CDH13: variants seen among roughly 807,000 people sequenced by gnomAD.
CDH13 encodes cadherin-13.
CDH13 carries 24 observed loss-of-function variants against 63.8 expected under a neutral mutation model. The observed-to-expected ratio is 0.38, with a 90% CI of 0.27 to 0.53. The LOEUF (loss-of-function observed/expected upper bound fraction) is 0.53. CDH13 is among the 20% of genes least tolerant of loss of function. The probability of loss-of-function intolerance (pLI) is 0.85; values close to 1 mark genes in which losing one functional copy is unlikely to be tolerated. For missense variants in CDH13, 1,049 were observed against 903.1 expected (o/e 1.16, Z -2.07); for synonymous variants, 503 against 355.3 (o/e 1.42, Z -4.67).
chr16:82,759,823 C>G (rs999316725), intron 1 of CDH13, among the ~76,000 whole-genome samples: 9 of 151,964 alleles, frequency 5.9e-5, no homozygotes, highest in Admixed American at 3.9e-4. Flanking sequence ...GTAATTCTCC[C>G]CTATCCTGAC....
chr16:82,687,410 G>C (rs979035750), intron 1 of CDH13, among the ~76,000 whole-genome samples: 2 of 152,162 alleles, frequency 1.3e-5, no homozygotes, highest in Admixed American at 1.3e-4. Flanking sequence ...AGACATACCT[G>C]AGGCAGGGTA....
intron 2 of CDH13, among the ~76,000 whole-genome samples, chr16:82,875,366 G>T (rs946740635): frequency 1.3e-5 from 2 of 152,140 alleles, no homozygotes; most frequent in Non-Finnish European, 2.9e-5. Context: ...GATAAATCCT[G>T]ACTAACTCAA....
intron 1 of CDH13, among the ~76,000 whole-genome samples, chr16:82,641,159 C>T (rs1909346849): frequency 6.6e-6 from 1 of 152,156 alleles, no homozygotes; most frequent in Admixed American, 6.5e-5. Flanking sequence ...CCGAATGGTC[C>T]CTCCACAGAA....
chr16:83,523,583 C>G (rs1005225265), intron 7 of CDH13, among the ~76,000 whole-genome samples: 3 of 152,202 alleles, frequency 2.0e-5, no homozygotes, highest in South Asian at 4.1e-4. Context: ...AAGTGCTCCT[C>G]CATTTCCCAT....
intron 7 of CDH13, among the ~76,000 whole-genome samples, chr16:83,563,164 A>C (rs949148593): frequency 3.9e-5 from 6 of 152,236 alleles, no homozygotes; most frequent in Non-Finnish European, 8.8e-5. Context: ...ACTTGCAAAG[A>C]GAGGCAAAAA....
chr16:83,794,513 A>G (rs921150144), intron 13 of CDH13, among the ~76,000 whole-genome samples: 1 of 152,204 alleles, frequency 6.6e-6, no homozygotes, highest in Non-Finnish European at 1.5e-5. Context: ...AGATTGTACC[A>G]CTACACTCCA....
At chr16:83,310,154 C>T (rs775273779) in intron 5 of CDH13, among the ~76,000 whole-genome samples, 2 of 152,140 alleles carry the variant, frequency 1.3e-5, no homozygotes, top group Admixed American at 1.3e-4. Flanking sequence ...TCATAAATTG[C>T]CATCACAGAG....
chr16:83,409,772 A>C (rs2092100244), intron 6 of CDH13, among the ~76,000 whole-genome samples: 1 of 152,204 alleles, frequency 6.6e-6, no homozygotes, highest in African/African-American at 2.4e-5. Context: ...GGTACAATCC[A>C]TGATGTGCCA....
intron 5 of CDH13, among the ~76,000 whole-genome samples, chr16:83,338,365 C>T (rs2090646948): frequency 6.6e-6 from 1 of 152,082 alleles, no homozygotes; most frequent in Non-Finnish European, 1.5e-5. Flanking sequence ...AGAGCTCAGG[C>T]CAAAACTTTG....
chr16:82,691,351 G>A (rs567597950), intron 1 of CDH13, among the ~76,000 whole-genome samples: 62 of 152,270 alleles, frequency 4.1e-4, no homozygotes, highest in African/African-American at 1.4e-3. Flanking sequence ...TGCATAGCCT[G>A]AGCATGTGGC....
At chr16:83,445,834 A>C (rs149133637) in intron 6 of CDH13, among the ~76,000 whole-genome samples, 3 of 152,084 alleles carry the variant, frequency 2.0e-5, no homozygotes, top group African/African-American at 7.3e-5. Context: ...GTCTTCCTCA[A>C]GTAGGTACTT....
chr16:82,654,027 C>A lies in CDH13; in HGVS notation c.45+26890C>A, dbSNP rs562195147. 8.5e-5 allele frequency among the ~76,000 whole-genome samples: 13 copies of A among 152,140 alleles called. No homozygotes were observed. The South Asian group carries it at 2.3e-3, about 27-fold the overall frequency. ...AGCCCAGCTTCTGGTTGGAATCACT[C>A]AGGCAGAGACACATGGGCCTGAGAG... On this transcript the variant is annotated intron_variant, in intron 1 of 13. Transcript: ENST00000567109.
intron 11 of CDH13, among the ~76,000 whole-genome samples, chr16:83,757,717 G>C (rs1319145970): frequency 6.6e-6 from 1 of 152,062 alleles, no homozygotes; most frequent in Non-Finnish European, 1.5e-5. Context: ...GAATAAAAAA[G>C]GGAAAATGAC....
At position 83,225,242 on chromosome 16, in the gene CDH13, T is replaced by G. The variant is rs2039806101; in HGVS notation, c.636+7745T>G. Among the ~76,000 whole-genome samples the G allele has an allele frequency of 2.0e-5, 3 of 152,206 alleles. No individual in the cohort carries two copies. The South Asian group carries it at 6.2e-4, about 32-fold the overall frequency. ...CAGCTGACCTGATCACTAATTGGCCTTGATGAAGATGACCTTTGAACCTGT... is the reference window on the plus strand; with the variant it reads ...CAGCTGACCTGATCACTAATTGGCCGTGATGAAGATGACCTTTGAACCTGT... On this transcript the variant is annotated intron_variant, in intron 5 of 13. Transcript: ENST00000567109.
chr16:83,493,271 G>A (rs1045895503), intron 7 of CDH13, among the ~76,000 whole-genome samples: 5 of 152,334 alleles, frequency 3.3e-5, no homozygotes, highest in East Asian at 1.9e-4. Context: ...CCTACAGGAC[G>A]TACATTTACA....
At chr16:82,882,662 C>G (rs2040747230) in intron 2 of CDH13, among the ~76,000 whole-genome samples, 1 of 151,962 alleles carries the variant, frequency 6.6e-6, no homozygotes, top group Non-Finnish European at 1.5e-5. Flanking sequence ...TCCGTTCTCC[C>G]TTTTTCCCTC....
chr16:83,650,291 A>G (rs1488193051), intron 8 of CDH13, among the ~76,000 whole-genome samples: 2 of 152,192 alleles, frequency 1.3e-5, no homozygotes, highest in East Asian at 3.8e-4. Context: ...GGTAATGAAA[A>G]CTACATCAAT....
chr16:82,933,256 G>A (rs979989522), intron 2 of CDH13, among the ~76,000 whole-genome samples: 1 of 152,120 alleles, frequency 6.6e-6, no homozygotes, highest in African/African-American at 2.4e-5. Context: ...TATGGCCGAA[G>A]GGGAAGCAAA....
At chr16:82,898,462 T>C (rs1050278343) in intron 2 of CDH13, among the ~76,000 whole-genome samples, 1 of 152,152 alleles carries the variant, frequency 6.6e-6, no homozygotes, top group African/African-American at 2.4e-5. Context: ...GAGGCAGAGG[T>C]TGCAGTGAGC....
Sources: allele counts gnomAD v4.1 joint callset (sites outside exome capture counted in the v4.1 genomes callset), GRCh38; gene constraint gnomAD v4.1.1; transcripts MANE v1.5; gene names NCBI Gene and HGNC (gene_info 2026-07-23, HGNC 2026-07-21).